AKR1B15: variants seen among roughly 807,000 people sequenced by gnomAD.
AKR1B15 encodes estradiol 17-beta-dehydrogenase AKR1B15.
In AKR1B15, 49 loss-of-function variants were observed where a neutral mutation model predicts 38.5. The ratio of observed to expected loss-of-function variants is 1.27; its 90% CI spans 1.01 to 1.62. The LOEUF is 1.62. Among genes scored for constraint, AKR1B15 ranks in the 40% most tolerant of loss-of-function variants. The probability of loss-of-function intolerance (pLI) is 0.00; values close to 1 mark genes in which losing one functional copy is unlikely to be tolerated. For missense variants in AKR1B15, 411 were observed against 381.6 expected (o/e 1.08, Z -0.64); for synonymous variants, 137 against 135.5 (o/e 1.01, Z -0.08).
intron 6 of AKR1B15, chr7:134,573,420 G>C (rs1794704098): frequency 1.0e-6 from 1 of 985,280 alleles, no homozygotes; most frequent in Admixed American, 6.2e-5. Context: ...GCTTCTCACA[G>C]TGCTATGTTT....
At chr7:134,578,893 A>G (rs963891420) in intron 11 of AKR1B15, among the ~76,000 whole-genome samples, 7 of 152,230 alleles carry the variant, frequency 4.6e-5, no homozygotes, top group African/African-American at 1.7e-4. Context: ...CCCCCAAACT[A>G]AAACACTTAC....
rs1321903935 is a variant in AKR1B15 at position 134,571,626 on chromosome 7, A to G, written c.458A>G (p.Lys153Arg). The change falls in exon 6 of 12, where the codon AAA becomes AGA. Residue 153 changes from lysine to arginine, a missense_variant. Lys to Arg is a conservative substitution (Grantham distance 26, BLOSUM62 2). This residue lies in a region of AKR1B15 where 254 missense variants were observed against 212.4 expected (regional missense o/e 1.20). Coordinates refer to ENST00000457545, the MANE Select transcript of AKR1B15 (RefSeq NM_001080538.3). Reference sequence around the variant, plus strand: ...CAGACTGGGGATGACTTTTTCCCCAAAGATGATAAAGGTAATATGATCAGT... The same window carrying G: ...CAGACTGGGGATGACTTTTTCCCCAGAGATGATAAAGGTAATATGATCAGT... ...GFKTGDDFFP[K>R]DDKGNMISGK... is the part of the protein sequence containing the mutation. The G allele has an allele frequency of 1.9e-6, 3 of 1,613,582 alleles. No individual in the cohort carries two copies. The highest frequency in any genetic ancestry group is 2.5e-6 in the Non-Finnish European group (3 of 1,179,776).
chr7:134,575,018 A>G (rs1794733576), intron 6 of AKR1B15, among the ~76,000 whole-genome samples: 1 of 152,262 alleles, frequency 6.6e-6, no homozygotes, highest in South Asian at 2.1e-4. Flanking sequence ...TACACACACA[A>G]CAGTAGCTCC....
intron 2 of AKR1B15, among the ~76,000 whole-genome samples, chr7:134,558,514 G>A (rs943096612): frequency 6.6e-6 from 1 of 152,172 alleles, no homozygotes; most frequent in African/African-American, 2.4e-5. Context: ...ACAGGTACTA[G>A]ATATACATTG....
At chr7:134,571,525 T>C in intron 5 of AKR1B15, 79 bp from the exon 6 acceptor site, 1 of 1,079,750 alleles carries the variant, frequency 9.3e-7, no homozygotes, top group South Asian at 1.3e-5. Flanking sequence ...TTAGCAAGCA[T>C]CAGGATCCTG....
intron 2 of AKR1B15, among the ~76,000 whole-genome samples, chr7:134,557,193 G>A (rs1794227663): frequency 6.6e-6 from 1 of 152,040 alleles, no homozygotes; most frequent in Non-Finnish European, 1.5e-5. Context: ...TGGGTTGGCG[G>A]GACCCCCTTC....
intron 1 of AKR1B15, among the ~76,000 whole-genome samples, chr7:134,553,359 A>G (rs1025286333): frequency 6.6e-6 from 1 of 152,210 alleles, no homozygotes; most frequent in Non-Finnish European, 1.5e-5. Context: ...CCTCCCAAAT[A>G]TCTCAAAACC....
intron 2 of AKR1B15, among the ~76,000 whole-genome samples, chr7:134,561,168 C>A (rs1372046819): frequency 3.3e-5 from 5 of 152,126 alleles, no homozygotes; most frequent in Non-Finnish European, 7.4e-5. Flanking sequence ...GCCCCATGTG[C>A]AGATCCAGGA....
chr7:134,565,302 A>G, intron 3 of AKR1B15: 1 of 1,010,816 alleles, frequency 9.9e-7, no homozygotes, highest in Non-Finnish European at 1.4e-6. Context: ...AACTCCAGAC[A>G]CATCTGAAGG....
chr7:134,565,962 T>C (rs1412134810), intron 3 of AKR1B15, among the ~76,000 whole-genome samples: 2 of 152,096 alleles, frequency 1.3e-5, no homozygotes, highest in East Asian at 3.9e-4. Context: ...ATGTGGGACT[T>C]GGGCTAGCAG....
At chr7:134,561,958 C>A (rs1339905248) in intron 2 of AKR1B15, among the ~76,000 whole-genome samples, 1 of 151,760 alleles carries the variant, frequency 6.6e-6, no homozygotes, top group East Asian at 2.0e-4. Context: ...GAAAGAAAGC[C>A]TTTGTTTTTT....
rs1490301364 is a variant in AKR1B15 at position 134,553,126 on chromosome 7, G to A, written c.-146-3610G>A. On this transcript the variant is annotated intron_variant, in intron 1 of 11. Coordinates refer to ENST00000457545, the MANE Select transcript of AKR1B15 (RefSeq NM_001080538.3). ...GGAAAAAGGGCACTCACCAGTGCTCGAAAGGCAGCCATCCTTCAAATCCCC... is the reference window on the plus strand; with the variant it reads ...GGAAAAAGGGCACTCACCAGTGCTCAAAAGGCAGCCATCCTTCAAATCCCC... 3.3e-5 allele frequency among the ~76,000 whole-genome samples: 5 copies of A among 152,126 alleles called. No homozygotes were observed. The South Asian group carries it at 6.2e-4, about 19-fold the overall frequency.
rs376997972 is a variant in AKR1B15, at chr7:134,575,502, T to G, written c.596T>G (p.Leu199Trp). ...AACCACTTCCAGATCGAGAGGCTCT[T>G]GAACAAACCTGGACTGAAATATAAA... Reference protein sequence around the residue: ...NFNHFQIERLLNKPGLKYKPV... With the variant: ...NFNHFQIERLWNKPGLKYKPV... The change falls in exon 7 of 12, where the codon TTG (leucine) becomes TGG (tryptophan). Residue 199 changes from leucine to tryptophan, a missense_variant. Around this residue, in one of 3 missense-constraint regions of AKR1B15, gnomAD observed 254 missense variants for 212.4 expected, o/e 1.20. Coordinates refer to ENST00000457545, the MANE Select transcript of AKR1B15 (RefSeq NM_001080538.3). 3.1e-6 allele frequency: 5 copies of G among 1,613,800 alleles called. No homozygotes were observed. The African/African-American group carries it at 6.7e-5, about 22-fold the overall frequency.
intron 3 of AKR1B15, 112 bp from the exon 4 acceptor site, chr7:134,568,046 G>T: frequency 1.5e-6 from 2 of 1,323,092 alleles, no homozygotes; most frequent in South Asian, 1.3e-5. Flanking sequence ...CTACTCAGGA[G>T]TTGGGAGGAT....
intron 6 of AKR1B15, among the ~76,000 whole-genome samples, 175 bp downstream of exon 6, chr7:134,571,856 T>A (rs780625136): frequency 1.3e-5 from 2 of 152,210 alleles, no homozygotes; most frequent in African/African-American, 4.8e-5. Context: ...TCTGATACTA[T>A]TTATATTTCA....
At chr7:134,574,344 CCT>C (rs1794720060) in intron 6 of AKR1B15, among the ~76,000 whole-genome samples, 2 of 152,012 alleles carry the variant, frequency 1.3e-5, no homozygotes, top group South Asian at 2.1e-4. Context: ...ATGTTTTTCC[CCT>C]CTTTTCTCTC....
In AKR1B15 at chr7:134,576,429, A is replaced by T. The variant is rs1371214390; in HGVS notation, c.824A>T (p.Gln275Leu). 1.2e-6 allele frequency: 2 copies of T among 1,613,810 alleles called. No homozygotes were observed. The highest frequency in any genetic ancestry group is 1.3e-5 in the African/African-American group (1 of 74,924). Residue 275 changes from glutamine (Q) to leucine (L), a missense_variant and splice_region_variant, in exon 9 of 12, where the codon CAG becomes CTG. By Grantham distance (113) the Gln-to-Leu change is moderately radical (BLOSUM62 -2). Coordinates refer to ENST00000457545, the MANE Select transcript of AKR1B15 (RefSeq NM_001080538.3). ...IAAKHKKTTA[Q>L]VLIRFHIQRN... is the part of the protein sequence containing the mutation. Reference sequence around the variant, plus strand: ...GCAAAGCACAAAAAAACCACAGCCCAGGTACCATATTTTTATTTTTCTTGT... The same window carrying T: ...GCAAAGCACAAAAAAACCACAGCCCTGGTACCATATTTTTATTTTTCTTGT...
intron 1 of AKR1B15, among the ~76,000 whole-genome samples, chr7:134,551,820 A>G (rs1793989830): frequency 6.6e-6 from 1 of 152,188 alleles, no homozygotes; most frequent in Admixed American, 6.5e-5. Flanking sequence ...TGGACACTGG[A>G]GAAAGGAATG....
chr7:134,565,140 C>T (rs1229939712), intron 3 of AKR1B15: 18 of 335,434 alleles, frequency 5.4e-5, no homozygotes, highest in African/African-American at 1.9e-4. Flanking sequence ...CCTTCCACAC[C>T]GTGGAAACTT....
Sources: gnomAD v4.1 joint callset for allele counts (sites outside exome capture counted in the v4.1 genomes callset) on GRCh38, gnomAD v4.1.1 for gene constraint, gnomAD v4.1.1 regional missense constraint, MANE v1.5 for transcripts, NCBI Gene and HGNC (gene_info 2026-07-23, HGNC 2026-07-21) for gene names.